The following CBFA2T3 variants were observed in gnomAD, a reference collection of about 807,000 sequenced individuals.
CBFA2T3 encodes CBFA2/RUNX1 partner transcriptional co-repressor 3.
A neutral mutation model predicts 58.6 loss-of-function variants in CBFA2T3; 31 were observed. The ratio of observed to expected loss-of-function variants is 0.53; its 90% CI spans 0.40 to 0.71. CBFA2T3 has a LOEUF of 0.71. Ranked by LOEUF, CBFA2T3 falls within the 30% of genes least tolerant of loss-of-function variation. CBFA2T3 has a pLI of 0.00. For synonymous variants in CBFA2T3, 531 were observed against 421.9 expected (o/e 1.26, Z -3.17); for missense variants, 1,076 against 963.1 (o/e 1.12, Z -1.55).
chr16:88,954,186 C>A (rs1041726260), intron 1 of CBFA2T3, among the ~76,000 whole-genome samples: 2 of 152,156 alleles, frequency 1.3e-5, no homozygotes, highest in African/African-American at 4.8e-5. Context: ...CGATGGTACC[C>A]CAACTGCTAT....
intron 1 of CBFA2T3, among the ~76,000 whole-genome samples, chr16:88,923,577 G>T (rs1164827083): frequency 1.3e-5 from 2 of 152,192 alleles, no homozygotes; most frequent in Non-Finnish European, 2.9e-5. Context: ...CCGTGAGGGG[G>T]CAGCTGGGGA....
chr16:88,975,138 TG>T (rs1567643809), intron 1 of CBFA2T3, among the ~76,000 whole-genome samples: 103 of 144,236 alleles, frequency 7.1e-4, no homozygotes, highest in South Asian at 1.3e-3. Context: ...GCTCCTGACC[TG>T]CAGCCATGTC....
At chr16:88,919,334 T>C (rs897144098) in intron 1 of CBFA2T3, among the ~76,000 whole-genome samples, 13 of 152,214 alleles carry the variant, frequency 8.5e-5, no homozygotes, top group South Asian at 2.1e-4. Context: ...TCTCCTTCAT[T>C]CGGTGTACTC....
chr16:88,967,087 T>C (rs939608825), intron 1 of CBFA2T3, among the ~76,000 whole-genome samples: 5 of 151,682 alleles, frequency 3.3e-5, no homozygotes, highest in Non-Finnish European at 5.9e-5. Context: ...CTGAGAACAG[T>C]GCGCTGGTGT....
rs144235953 is a variant in CBFA2T3, at chr16:88,876,498, G to T, written c.*478C>A. On this transcript the variant is annotated 3_prime_UTR_variant, in exon 12 of 12. Transcript: ENST00000268679. Reference sequence around the variant, plus strand: ...TTGTCCATTTCTGAGTAGCTCTTTTGCCAACACACAAAACCCCCCAAAATT... The same window carrying T: ...TTGTCCATTTCTGAGTAGCTCTTTTTCCAACACACAAAACCCCCCAAAATT... The T allele has an allele frequency of 9.1e-6, 2 of 219,326 alleles. No homozygotes were observed. Among genetic ancestry groups the T allele is most frequent in the Non-Finnish European group, 1.8e-5 (2 of 109,506 alleles). The allele number at this position is 219,326 out of a possible 1,614,324, so 13.6% of individuals were successfully genotyped here. A position where few individuals can be genotyped will look rare whatever the true frequency, so the allele number is the denominator to read the frequency against.
chr16:88,928,738 C>T (rs1971170664), intron 1 of CBFA2T3, among the ~76,000 whole-genome samples: 1 of 152,218 alleles, frequency 6.6e-6, no homozygotes, highest in Non-Finnish European at 1.5e-5. Flanking sequence ...AGCCCAGGAA[C>T]ACTGTGCAAA....
chr16:88,887,379 C>T (rs76106755), intron 5 of CBFA2T3, among the ~76,000 whole-genome samples: 7,075 of 152,282 alleles, frequency 0.046, 253 homozygotes, highest in Admixed American at 0.088. Flanking sequence ...CCAGGGGCCT[C>T]CTCTTGGTCA....
intron 1 of CBFA2T3, among the ~76,000 whole-genome samples, chr16:88,902,959 G>T (rs771026416): frequency 6.6e-6 from 1 of 151,882 alleles, no homozygotes; most frequent in African/African-American, 2.4e-5. Context: ...TCTCACCCAC[G>T]ACTGCCCTGC....
intron 1 of CBFA2T3, among the ~76,000 whole-genome samples, chr16:88,949,045 T>C (rs1971977927): frequency 6.6e-6 from 1 of 152,224 alleles, no homozygotes; most frequent in African/African-American, 2.4e-5. Flanking sequence ...TACTCCTTAC[T>C]TCACTTGGAA....
chr16:88,930,605 A>G (rs1971260949), intron 1 of CBFA2T3, among the ~76,000 whole-genome samples: 1 of 150,058 alleles, frequency 6.7e-6, no homozygotes, highest in Non-Finnish European at 1.5e-5. Flanking sequence ...TGGCCCCGTC[A>G]CCTTCATCCG....
chr16:88,939,597 C>T (rs1299402530), intron 1 of CBFA2T3: 1 of 152,342 alleles, frequency 6.6e-6, no homozygotes, highest in Non-Finnish European at 1.5e-5. Context: ...CAGAACAGGA[C>T]CCTCCCGGCA....
At chr16:88,951,382 T>C (rs1424944999) in intron 1 of CBFA2T3, 1 of 453,958 alleles carries the variant, frequency 2.2e-6, no homozygotes, top group Non-Finnish European at 4.5e-6. Flanking sequence ...CATTTCCTTA[T>C]CATACAATTC....
At chr16:88,929,613 C>T (rs1230687035) in intron 1 of CBFA2T3, among the ~76,000 whole-genome samples, 1 of 152,046 alleles carries the variant, frequency 6.6e-6, no homozygotes, top group African/African-American at 2.4e-5. Context: ...CACCAATACC[C>T]ACATCTGCAT....
Position 88,885,159 on chromosome 16 carries a change from T to G in CBFA2T3, c.1004A>C (p.Gln335Pro), listed in dbSNP as rs754459357. ...QRYSPSNGPP[Q>P]PTPPPHYRLE... ...GCGGTAGTGCGGCGGCGGTGTGGGCTGCGGTGGCCCGTTGCTGGGGCTGTA... is the reference window on the plus strand; with the variant it reads ...GCGGTAGTGCGGCGGCGGTGTGGGCGGCGGTGGCCCGTTGCTGGGGCTGTA... The change falls in exon 7 of 12, where the codon CAG becomes CCG. Residue 335 changes from glutamine to proline, a missense_variant. Gln to Pro is a moderately conservative substitution (Grantham distance 76). Coordinates refer to ENST00000268679, the MANE Select transcript of CBFA2T3 (RefSeq NM_005187.6). The surrounding 1 kb of genome is among the most constrained non-coding windows in gnomAD (Gnocchi z 5.3). 4 of 1,602,174 alleles carry G rather than the reference T, an allele frequency of 2.5e-6. No homozygotes were observed. In the East Asian group the frequency reaches 9.0e-5, roughly 36 times the overall value.
intron 2 of CBFA2T3, among the ~76,000 whole-genome samples, 180 bp downstream of exon 2, chr16:88,901,324 G>GGAAGCAGGGAAGCTGGGATTT (rs1669143323): frequency 6.6e-6 from 1 of 152,232 alleles, no homozygotes; most frequent in South Asian, 2.1e-4. Context: ...CTACCCAGTG[G>GGAAGCAGGGAAGCTGGGATTT]GAAGCAGGGA....
chr16:88,895,576 G>T (rs190588937), intron 3 of CBFA2T3, among the ~76,000 whole-genome samples: 6 of 152,112 alleles, frequency 3.9e-5, no homozygotes, highest in Admixed American at 1.3e-4. Context: ...AGTGGCACAG[G>T]GGGGAGGCCG....
intron 1 of CBFA2T3, among the ~76,000 whole-genome samples, chr16:88,963,776 C>T (rs952564991): frequency 7.2e-5 from 11 of 152,232 alleles, no homozygotes; most frequent in African/African-American, 2.4e-4. Flanking sequence ...ACACAGCGGC[C>T]CGAGGAGAGC....
intron 3 of CBFA2T3, 60 bp downstream of exon 3, chr16:88,898,018 G>C (rs1969952844): frequency 7.9e-7 from 1 of 1,259,786 alleles, no homozygotes; most frequent in Non-Finnish European, 1.2e-6. Flanking sequence ...TGTTGGGCCA[G>C]CTGAGGATGC....
chr16:88,963,272 C>CGCTCGTCTTCTGCCAGGGGTGGGT (rs1972414747), intron 1 of CBFA2T3, among the ~76,000 whole-genome samples: 11 of 148,392 alleles, frequency 7.4e-5, no homozygotes, highest in Admixed American at 5.4e-4. Context: ...CAGGGGTGGG[C>CGCTCGTCTTCTGCCAGGGGTGGGT]GCTCGTCTTC....
Sources: gnomAD v4.1 joint callset for allele counts (sites outside exome capture counted in the v4.1 genomes callset) on GRCh38, gnomAD v4.1.1 for gene constraint, Gnocchi (gnomAD v3.1) non-coding constraint, MANE v1.5 for transcripts, NCBI Gene and HGNC (gene_info 2026-07-23, HGNC 2026-07-21) for gene names.